FARS2: variants seen among roughly 807,000 people sequenced by gnomAD.
FARS2 encodes phenylalanyl-tRNA synthetase 2, mitochondrial, also known as phenylalanine--tRNA ligase, mitochondrial.
In FARS2, 40 loss-of-function variants were observed where a neutral mutation model predicts 46.4. The ratio of observed to expected loss-of-function variants is 0.86; its 90% CI spans 0.67 to 1.12. FARS2 has a LOEUF of 1.12. Ranked by LOEUF, FARS2 falls within the 50% of genes most tolerant of loss-of-function variation. FARS2 has a pLI of 0.00. For synonymous variants in FARS2, 234 were observed against 214.9 expected (o/e 1.09, Z -0.78); for missense variants, 513 against 567.9 (o/e 0.90, Z 0.98).
intron 4 of FARS2, among the ~76,000 whole-genome samples, chr6:5,534,289 A>T (rs1386051086): frequency 6.6e-6 from 1 of 152,262 alleles, no homozygotes; most frequent in Non-Finnish European, 1.5e-5. Context: ...GTTACATAAT[A>T]TAAAATTAGC....
At chr6:5,541,135 T>A (rs7751245) in intron 4 of FARS2, among the ~76,000 whole-genome samples, 129,574 of 152,210 alleles carry the variant, frequency 0.85, 55,396 homozygotes, top group East Asian at 0.99. Flanking sequence ...TAAGCTATAT[T>A]GGCATGTTCT....
chr6:5,604,234 G>A (rs754046363), intron 5 of FARS2, among the ~76,000 whole-genome samples: 32 of 152,254 alleles, frequency 2.1e-4, no homozygotes, highest in South Asian at 4.1e-4. Flanking sequence ...CTCTGTCATC[G>A]CTCGTAGGAT....
intron 6 of FARS2, among the ~76,000 whole-genome samples, chr6:5,677,487 T>A (rs1778824692): frequency 6.6e-6 from 1 of 152,196 alleles, no homozygotes; most frequent in South Asian, 2.1e-4. Flanking sequence ...AGTAGAGCAT[T>A]TAAGTGTTCT....
intron 1 of FARS2, among the ~76,000 whole-genome samples, chr6:5,288,287 C>CT (rs1767265306): frequency 6.6e-6 from 1 of 151,878 alleles, no homozygotes; most frequent in Non-Finnish European, 1.5e-5. Context: ...TCTTCTTCTT[C>CT]TTTTTTAACC....
At chr6:5,315,825 A>G (rs1581762057) in intron 1 of FARS2, among the ~76,000 whole-genome samples, 2 of 151,624 alleles carry the variant, frequency 1.3e-5, no homozygotes, top group Non-Finnish European at 1.5e-5. Context: ...TGCGCTGCTT[A>G]TAAATGCATG....
chr6:5,669,048 G>A (rs757642272), intron 6 of FARS2, among the ~76,000 whole-genome samples: 1 of 152,084 alleles, frequency 6.6e-6, no homozygotes, highest in Non-Finnish European at 1.5e-5. Context: ...TTAACCACTT[G>A]TAATGATGAT....
intron 6 of FARS2, among the ~76,000 whole-genome samples, chr6:5,730,612 C>T (rs934508304): frequency 5.9e-5 from 9 of 151,874 alleles, no homozygotes; most frequent in African/African-American, 1.7e-4. Flanking sequence ...TTAATATGTC[C>T]GAGCCCAGGG....
chr6:5,363,604 C>G (rs536741630), intron 1 of FARS2, among the ~76,000 whole-genome samples: 1 of 152,258 alleles, frequency 6.6e-6, no homozygotes, highest in African/African-American at 2.4e-5. Flanking sequence ...TCAAGAACCA[C>G]ACAGGCTAGT....
Position 5,424,644 on chromosome 6 carries a change from C to T in FARS2, c.773-6397C>T, listed in dbSNP as rs149329697. Among the ~76,000 whole-genome samples, 258 of 152,162 alleles carry T rather than the reference C, an allele frequency of 1.7e-3. 1 individual carries two copies. Among genetic ancestry groups the T allele is most frequent in the African/African-American group, 5.9e-3 (244 of 41,510 alleles). On this transcript the variant is annotated intron_variant, in intron 3 of 6. Coordinates refer to ENST00000274680, the MANE Select transcript of FARS2 (RefSeq NM_006567.5). Reference sequence around the variant, plus strand: ...TAAAAAGGAAACCCTGAGAGTTTACCGTAAGGGTCCAGGAGATTGGGGTAA... The same window carrying T: ...TAAAAAGGAAACCCTGAGAGTTTACTGTAAGGGTCCAGGAGATTGGGGTAA...
intron 1 of FARS2, among the ~76,000 whole-genome samples, chr6:5,300,421 T>C (rs1479870093): frequency 1.3e-5 from 2 of 152,242 alleles, no homozygotes; most frequent in African/African-American, 2.4e-5. Context: ...GTGATCCTTA[T>C]TTTGTTTTTT....
At chr6:5,419,759 G>A (rs935223015) in intron 3 of FARS2, among the ~76,000 whole-genome samples, 5 of 152,100 alleles carry the variant, frequency 3.3e-5, no homozygotes, top group African/African-American at 7.2e-5. Flanking sequence ...GCACCGTCAT[G>A]GAGCTTATCC....
chr6:5,366,595 G>A (rs1044330037), intron 1 of FARS2, among the ~76,000 whole-genome samples: 7 of 152,254 alleles, frequency 4.6e-5, no homozygotes, highest in Middle Eastern at 3.4e-3. Context: ...TGGGGGTTGC[G>A]TGAGGAGAGC....
At chr6:5,497,960 A>T (rs1226604052) in intron 4 of FARS2, among the ~76,000 whole-genome samples, 2 of 152,144 alleles carry the variant, frequency 1.3e-5, no homozygotes, top group Non-Finnish European at 2.9e-5. Flanking sequence ...TAATTTAGGG[A>T]TTGTGTAGCT....
intron 1 of FARS2, among the ~76,000 whole-genome samples, chr6:5,354,172 A>G (rs1463409855): frequency 6.6e-6 from 1 of 152,148 alleles, no homozygotes; most frequent in African/African-American, 2.4e-5. Flanking sequence ...CACTAAAACC[A>G]GACACCATAT....
intron 4 of FARS2, among the ~76,000 whole-genome samples, chr6:5,541,122 A>G (rs1405824152): frequency 6.6e-6 from 1 of 152,192 alleles, no homozygotes; most frequent in Non-Finnish European, 1.5e-5. Flanking sequence ...TTAAATATAT[A>G]TGTAAGCTAT....
intron 1 of FARS2, among the ~76,000 whole-genome samples, chr6:5,364,816 T>G (rs1758542545): frequency 2.0e-5 from 3 of 152,300 alleles, no homozygotes; most frequent in African/African-American, 7.2e-5. Context: ...GCAGCTCACT[T>G]GAGGCAGGAG....
Position 5,410,809 on chromosome 6 carries a change from C to T in FARS2, c.772+6108C>T, listed in dbSNP as rs140295162. On this transcript the variant is annotated intron_variant, in intron 3 of 6. Transcript: ENST00000274680. ...GGTTTATAATTAATTGTTAGTGCTA[C>T]ATTCTTCTTAAATGGAATCACATCA... is the stretch of plus-strand genomic sequence containing the variant. Among the ~76,000 whole-genome samples the T allele has an allele frequency of 3.9e-3, 600 of 152,242 alleles. 2 individuals are homozygous for T. The highest frequency in any genetic ancestry group is 0.014 in the African/African-American group (581 of 41,548).
intron 3 of FARS2, among the ~76,000 whole-genome samples, chr6:5,424,169 G>T (rs1414166202): frequency 6.6e-6 from 1 of 152,062 alleles, no homozygotes; most frequent in East Asian, 1.9e-4. Flanking sequence ...CTGGATCTTT[G>T]TCTGGGACCT....
At chr6:5,325,308 T>C (rs763794092) in intron 1 of FARS2, among the ~76,000 whole-genome samples, 11 of 152,206 alleles carry the variant, frequency 7.2e-5, no homozygotes, top group Non-Finnish European at 1.3e-4. Flanking sequence ...ATAGCATAGG[T>C]AAGGAAATTG....
Sources: allele counts gnomAD v4.1 joint callset (sites outside exome capture counted in the v4.1 genomes callset), GRCh38; gene constraint gnomAD v4.1.1; transcripts MANE v1.5; gene names NCBI Gene and HGNC (gene_info 2026-07-23, HGNC 2026-07-21).